PPFIBP1: variants seen among roughly 807,000 people sequenced by gnomAD.
PPFIBP1 encodes liprin-beta-1.
Under a neutral mutation model 137.8 loss-of-function variants are expected in PPFIBP1, and 112 were observed. That is an observed-to-expected ratio of 0.81 (90% CI 0.70 to 0.95). The LOEUF (loss-of-function observed/expected upper bound fraction) is 0.95, where lower values mean the gene tolerates loss of function less well. PPFIBP1 is among the 40% of genes least tolerant of loss of function. The pLI is 0.00. For synonymous variants in PPFIBP1, 378 were observed against 417.3 expected (o/e 0.91, Z 1.15); for missense variants, 1,083 against 1,196.6 (o/e 0.91, Z 1.40).
At chr12:27,593,809 C>G in intron 2 of PPFIBP1, 1 of 1,174,988 alleles carries the variant, frequency 8.5e-7, no homozygotes, top group Non-Finnish European at 1.2e-6. Context: ...CTGGTTCGTC[C>G]TGAATTTGGT....
At chr12:27,578,673 T>C (rs1176288728) in intron 2 of PPFIBP1, among the ~76,000 whole-genome samples, 3 of 152,214 alleles carry the variant, frequency 2.0e-5, no homozygotes, top group Non-Finnish European at 2.9e-5. Flanking sequence ...CTCACAGGCA[T>C]ATTTACCCAC....
intron 2 of PPFIBP1, among the ~76,000 whole-genome samples, chr12:27,589,359 G>C (rs1262931826): frequency 2.0e-5 from 3 of 152,112 alleles, no homozygotes; most frequent in Non-Finnish European, 4.4e-5. Flanking sequence ...TGAATTTTCT[G>C]GTCTCAAAGT....
intron 8 of PPFIBP1, among the ~76,000 whole-genome samples, chr12:27,655,526 T>C (rs778682313): frequency 3.9e-5 from 6 of 152,228 alleles, no homozygotes; most frequent in Non-Finnish European, 8.8e-5. Flanking sequence ...AACATTCGCT[T>C]GTGAAAGAAT....
At chr12:27,612,328 G>T (rs1346830196) in intron 2 of PPFIBP1, among the ~76,000 whole-genome samples, 30 of 87,242 alleles carry the variant, frequency 3.4e-4, no homozygotes, top group South Asian at 1.4e-3. Flanking sequence ...CTTTATTGGT[G>T]TTTTTTTTTT....
intron 1 of PPFIBP1, among the ~76,000 whole-genome samples, chr12:27,539,735 A>G (rs116079329): frequency 0.013 from 1,954 of 152,298 alleles, 42 homozygotes; most frequent in African/African-American, 0.045. Context: ...TAATATATGT[A>G]TCTTATAGAA....
intron 15 of PPFIBP1, 46 bp downstream of exon 15, chr12:27,672,529 GAA>G: frequency 1.4e-6 from 2 of 1,406,134 alleles, no homozygotes; most frequent in South Asian, 2.4e-5. Flanking sequence ...TGAGGCTAGA[GAA>G]AGAGAGTTCT....
intron 12 of PPFIBP1, among the ~76,000 whole-genome samples, chr12:27,665,696 A>G (rs2059817434): frequency 6.6e-6 from 1 of 152,248 alleles, no homozygotes; most frequent in South Asian, 2.1e-4. Context: ...AGCACTGGAT[A>G]TAAACAATTC....
intron 2 of PPFIBP1, among the ~76,000 whole-genome samples, chr12:27,615,920 G>A (rs141242213): frequency 4.1e-4 from 63 of 152,150 alleles, no homozygotes; most frequent in Admixed American, 7.2e-4. Context: ...GTCATCTGGC[G>A]GATAAAGGCA....
chr12:27,676,518 A>C lies in PPFIBP1; in HGVS notation c.1501A>C (p.Thr501Pro), dbSNP rs1275863281. The C allele has an allele frequency of 1.2e-5, 19 of 1,609,936 alleles. No individual in the cohort carries two copies. The highest frequency in any genetic ancestry group is 1.5e-5 in the Non-Finnish European group (18 of 1,177,648). ...DTSMDDNPFG[T>P]RKVRSSFGRG... ...CTCCATGGATGACAACCCCTTCGGC[A>C]CTCGAAAAGTCAGATCTTCCTTTGG... The change falls in exon 18 of 30, where the codon ACT becomes CCT. Residue 501 changes from threonine (T) to proline (P), a missense_variant. Physicochemically the swap from Thr to Pro is conservative, Grantham distance 38. Transcript: ENST00000228425.
chr12:27,634,139 CTTTTTTT>C (rs375816732), intron 3 of PPFIBP1, among the ~76,000 whole-genome samples: 1 of 111,610 alleles, frequency 9.0e-6, no homozygotes, highest in South Asian at 2.9e-4. Context: ...CCGGCCATAT[CTTTTTTT>C]TTTTTTTTTT....
chr12:27,590,910 G>T (rs1250427253), intron 2 of PPFIBP1, among the ~76,000 whole-genome samples: 1 of 152,166 alleles, frequency 6.6e-6, no homozygotes, highest in Non-Finnish European at 1.5e-5. Context: ...TAGATCTAGA[G>T]GGAAGCAGTT....
intron 25 of PPFIBP1, among the ~76,000 whole-genome samples, chr12:27,687,750 T>TC (rs1376146993): frequency 6.6e-6 from 1 of 152,206 alleles, no homozygotes. Flanking sequence ...TATTTTTTTT[T>TC]CCTGACTCTA....
At chr12:27,594,538 A>G (rs753240805) in intron 2 of PPFIBP1, among the ~76,000 whole-genome samples, 4 of 152,150 alleles carry the variant, frequency 2.6e-5, no homozygotes, top group Non-Finnish European at 5.9e-5. Context: ...TATTTTTATA[A>G]TCTCCCAGTG....
chr12:27,656,605 G>T lies in PPFIBP1; in HGVS notation c.697-11G>T, dbSNP rs368297383. 812 of 1,515,180 alleles carry T rather than the reference G, an allele frequency of 5.4e-4. No individual in the cohort carries two copies. Among genetic ancestry groups the T allele is most frequent in the Non-Finnish European group, 7.1e-4 (779 of 1,091,074 alleles). 93.9% of individuals were successfully genotyped at this position (1,515,180 alleles called of 1,614,324 possible). A position where few individuals can be genotyped will look rare whatever the true frequency, so the allele number is the denominator to read the frequency against. On this transcript the variant is annotated splice_polypyrimidine_tract_variant and intron_variant, in intron 8 of 29. Transcript: ENST00000228425. ...TGATCTGCTATTTTTAAATGAATTT[G>T]TAACTTGTAGGATGAACTGGCATCT...
At chr12:27,598,309 A>C (rs1013584070) in intron 2 of PPFIBP1, among the ~76,000 whole-genome samples, 6 of 152,194 alleles carry the variant, frequency 3.9e-5, no homozygotes, top group Admixed American at 3.3e-4. Flanking sequence ...CACATCTTAC[A>C]TGGTGGCAGG....
intron 2 of PPFIBP1, among the ~76,000 whole-genome samples, chr12:27,591,196 G>T (rs1225819933): frequency 6.6e-6 from 1 of 151,904 alleles, no homozygotes. Context: ...TAAGGGAATT[G>T]AAATTGAGGA....
intron 17 of PPFIBP1, among the ~76,000 whole-genome samples, chr12:27,676,029 CT>C (rs1235797101): frequency 6.6e-6 from 1 of 152,114 alleles, no homozygotes; most frequent in East Asian, 1.9e-4. Flanking sequence ...AGAATATGAA[CT>C]GTATTATAGC....
intron 2 of PPFIBP1, among the ~76,000 whole-genome samples, chr12:27,613,912 C>T (rs1001058895): frequency 2.6e-5 from 4 of 152,076 alleles, no homozygotes. Flanking sequence ...AGACAATGAC[C>T]TTGCCTTCCC....
At chr12:27,690,792 C>T (rs1192336065) in intron 27 of PPFIBP1, among the ~76,000 whole-genome samples, 1 of 151,986 alleles carries the variant, frequency 6.6e-6, no homozygotes, top group Non-Finnish European at 1.5e-5. Context: ...TGACCAGCCT[C>T]GTAAATAGGA....
Sources: gnomAD v4.1 joint callset for allele counts (sites outside exome capture counted in the v4.1 genomes callset) on GRCh38, gnomAD v4.1.1 for gene constraint, MANE v1.5 for transcripts, NCBI Gene and HGNC (gene_info 2026-07-23, HGNC 2026-07-21) for gene names.